DNMBP: variants seen among roughly 807,000 people sequenced by gnomAD.
DNMBP encodes dynamin binding protein.
A neutral mutation model predicts 150.0 loss-of-function variants in DNMBP; 87 were observed. The observed-to-expected ratio is 0.58, with a 90% CI of 0.49 to 0.69. The LOEUF (loss-of-function observed/expected upper bound fraction) is 0.69. Among genes scored for constraint, DNMBP ranks in the 30% least tolerant of loss-of-function variants. The pLI, the probability that DNMBP is intolerant of heterozygous loss-of-function variation, is 0.00. For missense variants in DNMBP, 1,774 were observed against 1,949.0 expected (o/e 0.91, Z 1.69); for synonymous variants, 711 against 750.4 (o/e 0.95, Z 0.86).
At position 99,968,972 on chromosome 10, in the gene DNMBP, T is replaced by G. The variant is rs191096982; in HGVS notation, c.268+143A>C. 32 of 841,348 alleles carry G rather than the reference T, an allele frequency of 3.8e-5. No individual in the cohort carries two copies. The African/African-American group carries it at 4.3e-4, about 11-fold the overall frequency. 52.1% of individuals were successfully genotyped at this position (841,348 alleles called of 1,614,324 possible). ...TAAAATGGTACTAAACTATAAGGCA[T>G]CATTACGTCCACGCTATTTGGTATT... is the stretch of plus-strand genomic sequence containing the variant. On this transcript the variant is annotated intron_variant, in intron 3 of 16. Transcript: ENST00000324109.
intron 1 of DNMBP, among the ~76,000 whole-genome samples, chr10:99,998,565 G>T (rs1303342568): frequency 7.3e-6 from 1 of 136,290 alleles, no homozygotes; most frequent in African/African-American, 2.8e-5. Context: ...GGGTGACAGA[G>T]TGAGACTCCG....
At chr10:99,908,820 A>C (rs906134515) in intron 5 of DNMBP, 133 bp downstream of exon 5, 31 of 816,336 alleles carry the variant, frequency 3.8e-5, no homozygotes, top group Admixed American at 2.4e-4. Context: ...CCCTTGATTA[A>C]GAGCAGCAGC....
chr10:99,966,286 A>G (rs988405012), intron 3 of DNMBP, among the ~76,000 whole-genome samples: 2 of 152,202 alleles, frequency 1.3e-5, no homozygotes, highest in African/African-American at 4.8e-5. Context: ...TAATTAGTAC[A>G]TCTCATTCTA....
At chr10:99,968,798 G>A (rs1279528572) in intron 3 of DNMBP, among the ~76,000 whole-genome samples, 1 of 151,986 alleles carries the variant, frequency 6.6e-6, no homozygotes, top group Non-Finnish European at 1.5e-5. Flanking sequence ...CATATTCTGA[G>A]GCCAAGACTT....
chr10:99,991,700 AT>A (rs1481876180), intron 1 of DNMBP, among the ~76,000 whole-genome samples: 1 of 151,694 alleles, frequency 6.6e-6, no homozygotes, highest in African/African-American at 2.4e-5. Context: ...AGGTCAGGAG[AT>A]CGAGACCATC....
Position 99,955,510 on chromosome 10 carries a change from G to T in DNMBP, c.1964C>A (p.Thr655Lys), listed in dbSNP as rs577589150. 1 of 1,598,002 alleles carries T rather than the reference G, an allele frequency of 6.3e-7. No individual in the cohort carries two copies. The change falls in exon 4 of 17, where the codon ACG (threonine) becomes AAG (lysine). Residue 655 changes from threonine (T) to lysine (K), a missense_variant. Thr to Lys is a moderately conservative substitution (Grantham distance 78, BLOSUM62 -1). This residue lies in a region of DNMBP where 1,430 missense variants were observed against 1,492.5 expected (regional missense o/e 0.96). Coordinates refer to ENST00000324109, the MANE Select transcript of DNMBP (RefSeq NM_015221.4). ...TAGGAGCTTGGGGGATACCGCATTC[G>T]TTCTCTGCTGTGCTGAGGGAGGCAG... is the stretch of plus-strand genomic sequence containing the variant. Reference protein sequence around the residue: ...APLPPSAQQRTNAVSPKLLSR... With the variant: ...APLPPSAQQRKNAVSPKLLSR...
chr10:99,886,111 G>A (rs1002225590), intron 13 of DNMBP, among the ~76,000 whole-genome samples, 189 bp downstream of exon 13: 5 of 152,186 alleles, frequency 3.3e-5, no homozygotes, highest in African/African-American at 1.2e-4. Context: ...GCTCAAGAGG[G>A]AAAAGATGTT....
At chr10:99,898,864 T>C (rs753810869) in intron 7 of DNMBP, 104 bp from the exon 8 acceptor site, 9 of 1,104,186 alleles carry the variant, frequency 8.2e-6, no homozygotes, top group East Asian at 2.4e-5. Flanking sequence ...CAAAAAATTA[T>C]GAATGTTTAT....
intron 6 of DNMBP, among the ~76,000 whole-genome samples, chr10:99,902,726 G>A (rs1455854096): frequency 6.6e-6 from 1 of 150,724 alleles, no homozygotes; most frequent in Middle Eastern, 3.2e-3. Context: ...TCAGCAGTTC[G>A]AGACCAGCCT....
At chr10:99,917,890 AC>A (rs1018617515) in intron 4 of DNMBP, among the ~76,000 whole-genome samples, 2 of 149,680 alleles carry the variant, frequency 1.3e-5, no homozygotes, top group African/African-American at 4.9e-5. Flanking sequence ...AATCCCTTAA[AC>A]CCAGGAAGCA....
chr10:99,944,060 C>T (rs531696842), intron 4 of DNMBP, among the ~76,000 whole-genome samples: 2 of 152,286 alleles, frequency 1.3e-5, no homozygotes, highest in South Asian at 4.1e-4. Flanking sequence ...GAGCAAGGTT[C>T]CTGACTCACT....
chr10:99,908,754 G>A (rs1564727841), intron 5 of DNMBP, among the ~76,000 whole-genome samples, 199 bp downstream of exon 5: 1 of 152,202 alleles, frequency 6.6e-6, no homozygotes, highest in Non-Finnish European at 1.5e-5. Flanking sequence ...GTTAACAGTA[G>A]ACTTGACAAG....
chr10:99,885,943 T>G (rs758088051), intron 13 of DNMBP, 77 bp from the exon 14 acceptor site: 1 of 1,337,272 alleles, frequency 7.5e-7, no homozygotes, highest in East Asian at 2.5e-5. Context: ...GAAGAAAACA[T>G]GATGAAAGAT....
intron 2 of DNMBP, 86 bp downstream of exon 2, chr10:99,971,894 T>A (rs565732014): frequency 1.6e-6 from 2 of 1,241,584 alleles, no homozygotes; most frequent in East Asian, 4.8e-5. Context: ...CTCACTCTGT[T>A]GCCCAGGCTG....
At position 99,955,534 on chromosome 10, in the gene DNMBP, A is replaced by T; in HGVS notation, c.1940T>A (p.Leu647Gln). Residue 647 changes from leucine (L) to glutamine (Q), a missense_variant, in exon 4 of 17, where the codon CTG (leucine) becomes CAG (glutamine). Transcript: ENST00000324109. Reference sequence around the variant, plus strand: ...CGTTCTCTGCTGTGCTGAGGGAGGCAGGGGAGCTGGGCGAGAGGGTCGCAC... The same window carrying T: ...CGTTCTCTGCTGTGCTGAGGGAGGCTGGGGAGCTGGGCGAGAGGGTCGCAC... ...LVVRPSRPAPLPPSAQQRTNA... is the reference protein window; with the variant it reads ...LVVRPSRPAPQPPSAQQRTNA... 1 of 1,597,074 alleles carries T rather than the reference A, an allele frequency of 6.3e-7. No individual in the cohort carries two copies. Among genetic ancestry groups the T allele is most frequent in the Non-Finnish European group, 8.5e-7 (1 of 1,172,122 alleles).
At chr10:100,005,100 G>T (rs2041053990) in intron 1 of DNMBP, among the ~76,000 whole-genome samples, 1 of 152,162 alleles carries the variant, frequency 6.6e-6, no homozygotes, top group South Asian at 2.1e-4. Context: ...TAGCTGGAAA[G>T]AGGCGAGTGC....
intron 2 of DNMBP, among the ~76,000 whole-genome samples, chr10:99,971,330 T>TTC (rs2040675095): frequency 8.5e-6 from 1 of 117,530 alleles, no homozygotes; most frequent in Non-Finnish European, 1.8e-5. Context: ...TTCCTTCCTT[T>TTC]CTTTCTTTTC....
rs552087389 is a variant in DNMBP at position 99,982,856 on chromosome 10, AT to A, written c.-10-10723del. Among the ~76,000 whole-genome samples, 63 of 151,986 alleles carry A rather than the reference AT, an allele frequency of 4.1e-4. No homozygotes were observed. The South Asian group carries it at 0.013, about 31-fold the overall frequency. On this transcript the variant is annotated intron_variant, in intron 1 of 16. Transcript: ENST00000324109. ...GGTTCCAGCTACTCAGGGCGGGGGTATGGGGGAGCAGCTCTGAGGTGGCATT... is the reference window on the plus strand; with the variant it reads ...GGTTCCAGCTACTCAGGGCGGGGGTAGGGGGAGCAGCTCTGAGGTGGCATT...
intron 4 of DNMBP, chr10:99,928,012 C>CT (rs1249541087): frequency 6.6e-6 from 1 of 152,128 alleles, no homozygotes; most frequent in African/African-American, 2.4e-5. Context: ...CAGAATCAGA[C>CT]TTTTTTCTTT....
Sources: allele counts gnomAD v4.1 joint callset (sites outside exome capture counted in the v4.1 genomes callset), GRCh38; gene constraint gnomAD v4.1.1; regional missense constraint gnomAD v4.1.1; transcripts MANE v1.5; gene names NCBI Gene and HGNC (gene_info 2026-07-23, HGNC 2026-07-21).